The following CTIF variants were observed in gnomAD, a reference collection of about 807,000 sequenced individuals.
The protein encoded by CTIF is cap binding complex dependent translation initiation factor.
Under a neutral mutation model 66.0 loss-of-function variants are expected in CTIF, and 21 were observed. The ratio of observed to expected loss-of-function variants is 0.32; its 90% CI spans 0.23 to 0.46. The LOEUF is 0.46. CTIF is among the 20% of genes least tolerant of loss of function. The pLI is 1.00. For missense variants in CTIF, 739 were observed against 812.7 expected (o/e 0.91, Z 1.10); for synonymous variants, 345 against 326.4 (o/e 1.06, Z -0.62).
rs117473172 is a variant in CTIF at position 48,862,702 on chromosome 18, G to C, written c.*3143G>C. 1,791 of 151,526 alleles carry C rather than the reference G, an allele frequency of 0.012. 16 individuals carry two copies. The highest frequency in any genetic ancestry group is 0.018 in the Non-Finnish European group (1,220 of 67,976). 9.4% of individuals were successfully genotyped at this position (151,526 alleles called of 1,614,324 possible). A position where few individuals can be genotyped will look rare whatever the true frequency, so the allele number is the denominator to read the frequency against. Reference sequence around the variant, plus strand: ...ATTATTTTCTCCGAGGGATGAGGGTGGGGGGTGTGGGAAGGGTACCACAGA... The same window carrying C: ...ATTATTTTCTCCGAGGGATGAGGGTCGGGGGTGTGGGAAGGGTACCACAGA... On this transcript the variant is annotated 3_prime_UTR_variant, in exon 12 of 12. Coordinates refer to ENST00000256413, the MANE Select transcript of CTIF (RefSeq NM_014772.3).
At chr18:48,623,434 C>T (rs2090533747) in intron 2 of CTIF, among the ~76,000 whole-genome samples, 1 of 152,022 alleles carries the variant, frequency 6.6e-6, no homozygotes, top group Admixed American at 6.5e-5. Flanking sequence ...CTGTGGCCCA[C>T]TCTCAGGAAG....
At chr18:48,830,323 C>T (rs976157213) in intron 10 of CTIF, among the ~76,000 whole-genome samples, 1 of 152,030 alleles carries the variant, frequency 6.6e-6, no homozygotes, top group African/African-American at 2.4e-5. Flanking sequence ...GCCACCACAC[C>T]CAGCTAATTT....
intron 9 of CTIF, among the ~76,000 whole-genome samples, chr18:48,814,950 T>C (rs1270732227): frequency 6.6e-6 from 1 of 151,894 alleles, no homozygotes; most frequent in Non-Finnish European, 1.5e-5. Flanking sequence ...GAGGGGTCAA[T>C]ATGAGGCCCA....
At chr18:48,839,976 T>C (rs2068900460) in intron 10 of CTIF, among the ~76,000 whole-genome samples, 1 of 151,860 alleles carries the variant, frequency 6.6e-6, no homozygotes, top group Non-Finnish European at 1.5e-5. Context: ...GTGTGAGCAG[T>C]GTGAAGAAAA....
At chr18:48,802,097 G>A (rs368325878) in intron 9 of CTIF, among the ~76,000 whole-genome samples, 22 of 152,326 alleles carry the variant, frequency 1.4e-4, no homozygotes, top group African/African-American at 5.3e-4. Flanking sequence ...GCAGAGGCAC[G>A]GTGACTGGCC....
chr18:48,580,013 ATCCATCCG>A (rs1174998558), intron 1 of CTIF, among the ~76,000 whole-genome samples: 1 of 152,230 alleles, frequency 6.6e-6, no homozygotes, highest in Admixed American at 6.5e-5. Flanking sequence ...TACTCCATCC[ATCCATCCG>A]TCCGTTCATC....
chr18:48,581,033 G>A (rs558078927), intron 1 of CTIF, among the ~76,000 whole-genome samples: 1 of 152,336 alleles, frequency 6.6e-6, no homozygotes, highest in East Asian at 1.9e-4. Flanking sequence ...TCTCCATTTA[G>A]CAATGCGATG....
rs552368614 is a variant in CTIF at position 48,747,216 on chromosome 18, A to T, written c.585-10703A>T. On this transcript the variant is annotated intron_variant, in intron 7 of 11. Transcript: ENST00000256413. ...GCAATATTCTTCATTCGTTAGCTCA[A>T]ACGTGGTTTTCAATGAATCAAGAAT... Among the ~76,000 whole-genome samples the T allele has an allele frequency of 3.5e-4, 54 of 152,318 alleles. 1 individual carries two copies. The South Asian group carries it at 0.011, about 30-fold the overall frequency.
intron 6 of CTIF, among the ~76,000 whole-genome samples, chr18:48,707,520 C>G (rs1181852908): frequency 6.6e-6 from 1 of 151,762 alleles, no homozygotes; most frequent in Non-Finnish European, 1.5e-5. Flanking sequence ...ATCTTCTCTT[C>G]TTCTCCTCCT....
intron 5 of CTIF, among the ~76,000 whole-genome samples, chr18:48,664,817 C>G (rs989494989): frequency 6.6e-6 from 1 of 152,138 alleles, no homozygotes; most frequent in Non-Finnish European, 1.5e-5. Context: ...TCCACGCCAG[C>G]GCAGCAGAAT....
At chr18:48,727,296 G>A (rs923298766) in intron 7 of CTIF, among the ~76,000 whole-genome samples, 1 of 152,186 alleles carries the variant, frequency 6.6e-6, no homozygotes, top group African/African-American at 2.4e-5. Context: ...CTACAAGGCT[G>A]TCTCCGCCCT....
intron 7 of CTIF, 52 bp from the exon 8 acceptor site, chr18:48,757,867 T>A (rs370833910): frequency 1.3e-6 from 2 of 1,565,504 alleles, no homozygotes; most frequent in Non-Finnish European, 1.7e-6. Flanking sequence ...ACAGGGACTC[T>A]GACCAGCCCG....
chr18:48,604,083 A>G (rs1392316931), intron 1 of CTIF, among the ~76,000 whole-genome samples: 1 of 150,028 alleles, frequency 6.7e-6, no homozygotes. Context: ...AGCTCAGGCA[A>G]TCTGCCCACC....
At chr18:48,646,679 G>A (rs1444817543) in intron 3 of CTIF, among the ~76,000 whole-genome samples, 2 of 151,712 alleles carry the variant, frequency 1.3e-5, no homozygotes, top group Non-Finnish European at 2.9e-5. Context: ...CCTGGGAGGT[G>A]GAGGTTGCGG....
At chr18:48,607,067 A>G (rs113093624) in intron 1 of CTIF, among the ~76,000 whole-genome samples, 1 of 152,180 alleles carries the variant, frequency 6.6e-6, no homozygotes, top group African/African-American at 2.4e-5. Flanking sequence ...TGGGGAATAC[A>G]ATATTGATGA....
At position 48,663,788 on chromosome 18, in the gene CTIF, A is replaced by G. The variant is rs763060686; in HGVS notation, c.289A>G (p.Thr97Ala). Reference protein sequence around the residue: ...SKDNSLDMLGTDIWAANTFDS... With the variant: ...SKDNSLDMLGADIWAANTFDS... ...AGACAACTCTCTGGACATGCTGGGCACGGACATCTGGGCGGCCAACACCTT... is the reference window on the plus strand; with the variant it reads ...AGACAACTCTCTGGACATGCTGGGCGCGGACATCTGGGCGGCCAACACCTT... The change falls in exon 4 of 12, where the codon ACG becomes GCG. Residue 97 changes from threonine to alanine, a missense_variant. By Grantham distance (58) the Thr-to-Ala change is moderately conservative. Coordinates refer to ENST00000256413, the MANE Select transcript of CTIF (RefSeq NM_014772.3). 10 of 1,614,136 alleles carry G rather than the reference A, an allele frequency of 6.2e-6. No homozygotes were observed. Among genetic ancestry groups the G allele is most frequent in the Non-Finnish European group, 8.5e-6 (10 of 1,179,986 alleles).
intron 8 of CTIF, among the ~76,000 whole-genome samples, chr18:48,759,290 A>G (rs146125521): frequency 2.8e-4 from 42 of 152,222 alleles, no homozygotes; most frequent in African/African-American, 9.6e-4. Flanking sequence ...GGGCCTACAG[A>G]GGCTTCCTCC....
intron 10 of CTIF, among the ~76,000 whole-genome samples, chr18:48,822,443 C>A (rs1255617641): frequency 6.6e-6 from 1 of 151,986 alleles, no homozygotes; most frequent in East Asian, 1.9e-4. Flanking sequence ...AGAGCTGATT[C>A]CATCTAACTG....
At chr18:48,626,660 T>TTTTG (rs1568084455) in intron 2 of CTIF, among the ~76,000 whole-genome samples, 3 of 146,570 alleles carry the variant, frequency 2.0e-5, no homozygotes, top group African/African-American at 7.9e-5. Context: ...TTTTTTGTTT[T>TTTTG]TTTTTTTTTT....
Sources: allele counts gnomAD v4.1 joint callset (sites outside exome capture counted in the v4.1 genomes callset), GRCh38; gene constraint gnomAD v4.1.1; transcripts MANE v1.5; gene names NCBI Gene and HGNC (gene_info 2026-07-23, HGNC 2026-07-21).